The following DOCK2 variants were observed in gnomAD, a reference collection of about 807,000 sequenced individuals.
DOCK2 encodes dedicator of cytokinesis protein 2.
In DOCK2, 87 loss-of-function variants were observed where a neutral mutation model predicts 248.9. The observed-to-expected ratio is 0.35, with a 90% CI of 0.29 to 0.42. The LOEUF is 0.42. Among genes scored for constraint, DOCK2 ranks in the 10% least tolerant of loss-of-function variants. The pLI, the probability that DOCK2 is intolerant of heterozygous loss-of-function variation, is 1.00. For synonymous variants in DOCK2, 805 were observed against 821.6 expected (o/e 0.98, Z 0.35); for missense variants, 1,747 against 2,300.2 (o/e 0.76, Z 4.92).
At chr5:169,677,330 C>T (rs2113329348) in intron 6 of DOCK2, among the ~76,000 whole-genome samples, 2 of 151,722 alleles carry the variant, frequency 1.3e-5, no homozygotes, top group South Asian at 2.1e-4. Flanking sequence ...GAGGACTGGC[C>T]TGCTAAACAT....
At chr5:169,747,139 G>A (rs143266958) in intron 22 of DOCK2, among the ~76,000 whole-genome samples, 5 of 152,192 alleles carry the variant, frequency 3.3e-5, no homozygotes, top group Admixed American at 1.3e-4. Context: ...CTTCCTTTGG[G>A]GTTTCCTTGG....
In DOCK2 at chr5:169,674,182, A is replaced by T; in HGVS notation, c.322-115A>T. ...TCCTTTTGTAGTGGGTAGGGCAGGG[A>T]GAGAGCCTCAGGCCATGGCCCTTGA... On this transcript the variant is annotated intron_variant, in intron 5 of 51. Transcript: ENST00000520908. 4.7e-6 allele frequency: 6 copies of T among 1,277,838 alleles called. No homozygotes were observed. In the South Asian group the frequency reaches 9.0e-5, roughly 19 times the overall value. 79.2% of individuals were successfully genotyped at this position (1,277,838 alleles called of 1,614,324 possible).
At chr5:169,685,155 T>C (rs1340726831) in intron 8 of DOCK2, among the ~76,000 whole-genome samples, 1 of 152,208 alleles carries the variant, frequency 6.6e-6, no homozygotes, top group East Asian at 1.9e-4. Context: ...CACAGGGTCA[T>C]TTGCTTCAGG....
chr5:169,775,140 C>T (rs1765311598), intron 25 of DOCK2, among the ~76,000 whole-genome samples: 1 of 152,142 alleles, frequency 6.6e-6, no homozygotes, highest in Non-Finnish European at 1.5e-5. Context: ...GAACTTCTGA[C>T]CTCAGGTGAT....
rs1296913063 is a variant in DOCK2 at position 169,910,611 on chromosome 5, C to T, written c.2799+69759C>T. On this transcript the variant is annotated intron_variant, in intron 27 of 51. Transcript: ENST00000520908. Reference sequence around the variant, plus strand: ...CTAAGTGTTTGGCACTGAGTGAAAACGATATGTCATGTTCACAGCAGATGA... The same window carrying T: ...CTAAGTGTTTGGCACTGAGTGAAAATGATATGTCATGTTCACAGCAGATGA... Among the ~76,000 whole-genome samples the T allele has an allele frequency of 3.3e-5, 5 of 152,242 alleles. No homozygotes were observed. In the South Asian group the frequency reaches 6.2e-4, roughly 19 times the overall value.
chr5:169,794,048 G>T (rs1766503362), intron 25 of DOCK2, among the ~76,000 whole-genome samples: 1 of 152,034 alleles, frequency 6.6e-6, no homozygotes, highest in Non-Finnish European at 1.5e-5. Context: ...GCCCATTGTT[G>T]TAACATCAGC....
In DOCK2 at chr5:169,846,446, G is replaced by A. The variant is rs541852478; in HGVS notation, c.2799+5594G>A. ...AAAGGGAATTTTGCAAAAATAAAAA[G>A]CAAATGACTTTTACATGACTAGTAC... On this transcript the variant is annotated intron_variant, in intron 27 of 51. Transcript: ENST00000520908. 3.3e-5 allele frequency among the ~76,000 whole-genome samples: 5 copies of A among 152,202 alleles called. No individual in the cohort carries two copies. In the East Asian group the frequency reaches 9.7e-4, roughly 29 times the overall value.
chr5:170,008,743 C>T lies in DOCK2; in HGVS notation c.3229C>T (p.Leu1077Phe). ...GFSIRDMWYKLGQNKICFIPG... is the reference protein window; with the variant it reads ...GFSIRDMWYKFGQNKICFIPG... ...CTCCATCCGTGATATGTGGTACAAG[C>T]TTGGTGAGTAGGCACACACATCCAG... Residue 1077 changes from leucine (L) to phenylalanine (F), a missense_variant, in exon 32 of 52, where the codon CTT becomes TTT. By Grantham distance (22) the Leu-to-Phe change is conservative. Around this residue, in one of 4 missense-constraint regions of DOCK2, gnomAD observed 858 missense variants for 1,183.5 expected, o/e 0.72. Transcript: ENST00000520908. 1.2e-6 allele frequency: 2 copies of T among 1,613,864 alleles called. 1 individual carries two copies. Among genetic ancestry groups the T allele is most frequent in the Admixed American group, 3.3e-5 (2 of 59,986 alleles).
chr5:170,080,448 C>G (rs1349175586), intron 50 of DOCK2, 165 bp downstream of exon 50: 1 of 1,057,198 alleles, frequency 9.5e-7, no homozygotes, highest in East Asian at 2.6e-5. Context: ...TCTCCCCACA[C>G]CCACCACTTC....
intron 28 of DOCK2, among the ~76,000 whole-genome samples, chr5:169,983,876 G>T (rs1453117137): frequency 2.0e-5 from 3 of 152,164 alleles, no homozygotes; most frequent in Non-Finnish European, 4.4e-5. Context: ...GAAAACTAAT[G>T]CCCTACCCTT....
intron 22 of DOCK2, among the ~76,000 whole-genome samples, chr5:169,729,864 A>G (rs1473178881): frequency 6.6e-6 from 1 of 152,172 alleles, no homozygotes; most frequent in African/African-American, 2.4e-5. Flanking sequence ...CCTTGGGCAA[A>G]GTCACTTCAC....
intron 23 of DOCK2, among the ~76,000 whole-genome samples, chr5:169,753,756 C>T (rs1764038699): frequency 6.6e-6 from 1 of 152,174 alleles, no homozygotes; most frequent in Non-Finnish European, 1.5e-5. Flanking sequence ...GTTCCTTTCC[C>T]TTCACTTTGC....
intron 29 of DOCK2, among the ~76,000 whole-genome samples, chr5:169,991,608 G>A (rs1778207721): frequency 6.6e-6 from 1 of 152,232 alleles, no homozygotes; most frequent in South Asian, 2.1e-4. Flanking sequence ...ATACAAGACT[G>A]CTTTGAGTCA....
intron 23 of DOCK2, among the ~76,000 whole-genome samples, chr5:169,754,731 C>T (rs1764099831): frequency 6.6e-6 from 1 of 152,084 alleles, no homozygotes; most frequent in South Asian, 2.1e-4. Flanking sequence ...GGTACACATC[C>T]TTGCTTTGCT....
intron 49 of DOCK2, 197 bp from the exon 50 acceptor site, chr5:170,079,966 G>A: frequency 1.3e-6 from 1 of 774,824 alleles, no homozygotes. Context: ...CCCGCCTGTA[G>A]TTGTGTAGTG....
intron 27 of DOCK2, among the ~76,000 whole-genome samples, chr5:169,853,366 C>T (rs1205257238): frequency 6.6e-6 from 1 of 152,216 alleles, no homozygotes; most frequent in African/African-American, 2.4e-5. Context: ...TCAGGCCCAT[C>T]GCCCCCGTCC....
chr5:169,647,516 G>A (rs543933566), intron 1 of DOCK2, among the ~76,000 whole-genome samples: 2 of 152,246 alleles, frequency 1.3e-5, no homozygotes, highest in South Asian at 2.1e-4. Flanking sequence ...GGTCCTGTGA[G>A]AGCACAGCAC....
At chr5:169,881,526 C>T in intron 27 of DOCK2, 1 of 1,027,418 alleles carries the variant, frequency 9.7e-7, no homozygotes, top group Non-Finnish European at 1.5e-6. Flanking sequence ...TCCCTTAGTC[C>T]CTATAGCACA....
chr5:170,081,756 C>A, intron 50 of DOCK2, 86 bp from the exon 51 acceptor site: 1 of 1,282,462 alleles, frequency 7.8e-7, no homozygotes, highest in Non-Finnish European at 1.0e-6. Context: ...TGGCTCTGTC[C>A]CCCAGCCCTC....
Sources: allele counts gnomAD v4.1 joint callset (sites outside exome capture counted in the v4.1 genomes callset), GRCh38; gene constraint gnomAD v4.1.1; regional missense constraint gnomAD v4.1.1; transcripts MANE v1.5; gene names NCBI Gene and HGNC (gene_info 2026-07-23, HGNC 2026-07-21).